Variants in ELL2 observed in about 807,000 individuals in gnomAD.
ELL2 encodes elongation factor for RNA polymerase II 2, also known as RNA polymerase II elongation factor ELL2.
Under a neutral mutation model 72.8 loss-of-function variants are expected in ELL2, and 21 were observed. That is an observed-to-expected ratio of 0.29 (90% CI 0.20 to 0.42). The LOEUF is 0.42. Ranked by LOEUF, ELL2 falls within the 10% of genes least tolerant of loss-of-function variation. The pLI, the probability that ELL2 is intolerant of heterozygous loss-of-function variation, is 1.00. For missense variants in ELL2, 568 were observed against 772.8 expected, an observed-to-expected ratio of 0.73 and a Z score of 3.14; for synonymous variants, 266 against 283.2, an observed-to-expected ratio of 0.94 and a Z score of 0.61.
At chr5:95,898,108 ACT>A in intron 8 of ELL2, 130 bp downstream of exon 8, 3 of 697,246 alleles carry the variant, frequency 4.3e-6, no homozygotes, top group Non-Finnish European at 4.2e-6. Context: ...AAAAAAAAAA[ACT>A]GCTCAAAAGC....
chr5:95,955,676 A>C (rs1485875915), intron 1 of ELL2, among the ~76,000 whole-genome samples: 1 of 152,188 alleles, frequency 6.6e-6, no homozygotes, highest in African/African-American at 2.4e-5. Flanking sequence ...TTTGTGCATA[A>C]GTTATAGGAA....
intron 5 of ELL2, among the ~76,000 whole-genome samples, chr5:95,903,705 A>T (rs531136851): frequency 7.9e-5 from 12 of 152,320 alleles, no homozygotes; most frequent in African/African-American, 2.9e-4. Flanking sequence ...TCCTAAATTT[A>T]TAACTCTAGC....
At chr5:95,958,358 C>T (rs911243351) in intron 1 of ELL2, among the ~76,000 whole-genome samples, 9 of 152,310 alleles carry the variant, frequency 5.9e-5, no homozygotes, top group Non-Finnish European at 5.9e-5. Flanking sequence ...CAGCCAGATG[C>T]CTACTGCTAG....
chr5:95,934,654 TC>T (rs1750711685), intron 2 of ELL2, among the ~76,000 whole-genome samples: 1 of 152,184 alleles, frequency 6.6e-6, no homozygotes, highest in Admixed American at 6.5e-5. Flanking sequence ...ACAAAGCAAC[TC>T]TATCAAGTAG....
intron 10 of ELL2, chr5:95,890,871 T>C (rs943347911): frequency 1.5e-5 from 8 of 529,264 alleles, no homozygotes; most frequent in Non-Finnish European, 2.4e-5. Flanking sequence ...TTTCTCAATA[T>C]GTGATACATT....
intron 2 of ELL2, among the ~76,000 whole-genome samples, chr5:95,935,351 T>C (rs1262637922): frequency 6.6e-6 from 1 of 152,150 alleles, no homozygotes; most frequent in Non-Finnish European, 1.5e-5. Flanking sequence ...TCTTAATTAA[T>C]ATGGGCAAAA....
At chr5:95,934,728 CCTT>C (rs1750715064) in intron 2 of ELL2, among the ~76,000 whole-genome samples, 1 of 152,148 alleles carries the variant, frequency 6.6e-6, no homozygotes, top group Non-Finnish European at 1.5e-5. Flanking sequence ...TCTCTGTTCT[CCTT>C]GTCAACTTGT....
chr5:95,940,073 G>T (rs974285340), intron 2 of ELL2, among the ~76,000 whole-genome samples: 3 of 152,170 alleles, frequency 2.0e-5, no homozygotes, highest in African/African-American at 7.2e-5. Flanking sequence ...CATGAGTTTA[G>T]AAATGAGAAT....
intron 2 of ELL2, among the ~76,000 whole-genome samples, chr5:95,933,572 G>C (rs1405741208): frequency 6.6e-6 from 1 of 151,906 alleles, no homozygotes; most frequent in Non-Finnish European, 1.5e-5. Flanking sequence ...AAGAAGAAAA[G>C]ACTAGAAAGA....
intron 9 of ELL2, among the ~76,000 whole-genome samples, chr5:95,894,891 G>T (rs1255348064): frequency 6.6e-6 from 1 of 152,154 alleles, no homozygotes; most frequent in African/African-American, 2.4e-5. Flanking sequence ...TTACATTCTA[G>T]CTATTTTGCA....
intron 5 of ELL2, among the ~76,000 whole-genome samples, chr5:95,902,624 A>G (rs1270936744): frequency 6.6e-6 from 1 of 152,254 alleles, no homozygotes; most frequent in Non-Finnish European, 1.5e-5. Flanking sequence ...TTAGCTGAAC[A>G]CTATTCTAAC....
At chr5:95,908,939 G>A (rs373038462) in intron 4 of ELL2, among the ~76,000 whole-genome samples, 1 of 152,068 alleles carries the variant, frequency 6.6e-6, no homozygotes, top group East Asian at 1.9e-4. Flanking sequence ...CACTAGGACT[G>A]GTCATTTAGG....
chr5:95,929,285 G>C (rs1750508743), intron 2 of ELL2, among the ~76,000 whole-genome samples: 1 of 148,652 alleles, frequency 6.7e-6, no homozygotes, highest in Non-Finnish European at 1.5e-5. Flanking sequence ...TTGAGACAGA[G>C]TCTCGCTCTG....
rs1462385909 is a variant in ELL2 at position 95,887,163 on chromosome 5, A to C, written c.*1708T>G. 4 of 152,218 alleles carry C rather than the reference A, an allele frequency of 2.6e-5. No individual in the cohort carries two copies. Among genetic ancestry groups the C allele is most frequent in the Non-Finnish European group, 5.9e-5 (4 of 68,028 alleles). 9.4% of individuals were successfully genotyped at this position (152,218 alleles called of 1,614,324 possible). A position where few individuals can be genotyped will look rare whatever the true frequency, so the allele number is the denominator to read the frequency against. ...GAATTCCTTAGGAGGTCCATGCTAC[A>C]TAGAACCAAAATTTCTGCGGTAATG... On this transcript the variant is annotated 3_prime_UTR_variant, in exon 12 of 12. Transcript: ENST00000237853.
intron 4 of ELL2, among the ~76,000 whole-genome samples, chr5:95,907,295 TA>T (rs146130729): frequency 6.3e-5 from 8 of 126,258 alleles, no homozygotes; most frequent in Admixed American, 8.0e-5. Context: ...TATATATATA[TA>T]TTTTTTTTTT....
In ELL2 at chr5:95,891,103, C is replaced by G. The variant is rs749652342; in HGVS notation, c.1761G>C (p.Gln587His). Reference sequence around the variant, plus strand: ...CCCATCTAGTTACAAATCCATTTACCTGATACTCTTTTGAGCCTGGAGAAA... The same window carrying G: ...CCCATCTAGTTACAAATCCATTTACGTGATACTCTTTTGAGCCTGGAGAAA... ...KRLSPGSKEY[Q>H]NVHEEVLQEY... Residue 587 changes from glutamine to histidine, a missense_variant and splice_region_variant, in exon 10 of 12, where the codon CAG becomes CAC. Gln to His is a conservative substitution (Grantham distance 24). Transcript: ENST00000237853. 4 of 1,614,052 alleles carry G rather than the reference C, an allele frequency of 2.5e-6. No individual in the cohort carries two copies. The highest frequency in any genetic ancestry group is 2.5e-6 in the Non-Finnish European group (3 of 1,180,020).
In ELL2 at chr5:95,961,563, CG is replaced by C. The variant is rs1751857504; in HGVS notation, c.147+11del. 1 of 1,572,720 alleles carries C rather than the reference CG, an allele frequency of 6.4e-7. No homozygotes were observed. The highest frequency in any genetic ancestry group is 1.4e-5 in the African/African-American group (1 of 71,416). On this transcript the variant is annotated intron_variant, in intron 1 of 11. Coordinates refer to ENST00000237853, the MANE Select transcript of ELL2 (RefSeq NM_012081.6). ...GCCTCTCTGAGCCCAGCCTGCCGGC[CG>C]GCCCGCTCACCTTGTGGCTCTGGTA... is the stretch of plus-strand genomic sequence containing the variant.
At chr5:95,928,243 G>C (rs1750467555) in intron 2 of ELL2, among the ~76,000 whole-genome samples, 1 of 152,104 alleles carries the variant, frequency 6.6e-6, no homozygotes, top group African/African-American at 2.4e-5. Flanking sequence ...AAGTGGTTTT[G>C]GAAGAGAAGT....
At chr5:95,930,808 T>C (rs1394060621) in intron 2 of ELL2, among the ~76,000 whole-genome samples, 1 of 152,194 alleles carries the variant, frequency 6.6e-6, no homozygotes, top group Non-Finnish European at 1.5e-5. Flanking sequence ...CAATAAGACA[T>C]ACAATATTTG....
Sources: allele counts gnomAD v4.1 joint callset (sites outside exome capture counted in the v4.1 genomes callset), GRCh38; gene constraint gnomAD v4.1.1; transcripts MANE v1.5; gene names NCBI Gene and HGNC (gene_info 2026-07-23, HGNC 2026-07-21).